The following HTR1F variants were observed in gnomAD, a reference collection of about 807,000 sequenced individuals.
HTR1F encodes 5-hydroxytryptamine receptor 1F, also known as 5-hydroxytryptamine (serotonin) receptor 1F, G protein-coupled.
Under a neutral mutation model 24.0 loss-of-function variants are expected in HTR1F, and 17 were observed. The ratio of observed to expected loss-of-function variants is 0.71; its 90% CI spans 0.48 to 1.06. The LOEUF is 1.06. HTR1F is among the 50% of genes least tolerant of loss of function. The pLI, the probability that HTR1F is intolerant of heterozygous loss-of-function variation, is 0.00. For synonymous variants in HTR1F, 186 were observed against 156.8 expected (o/e 1.19, Z -1.39); for missense variants, 391 against 427.8 (o/e 0.91, Z 0.76).
At chr3:87,913,530 C>T (rs1703826083) in intron 2 of HTR1F, among the ~76,000 whole-genome samples, 1 of 152,170 alleles carries the variant, frequency 6.6e-6, no homozygotes, top group Admixed American at 6.5e-5. Flanking sequence ...GGCAATTCCT[C>T]AAAGACCTAA....
rs554833346 is a variant in HTR1F, at chr3:87,884,227, T to C, written c.-43+62103T>C. ...AGAAAAGAATTTTCACCCAGAATTT[T>C]ATACCCAGCCAAACTCAGCTTCATA... is the stretch of plus-strand genomic sequence containing the variant. On this transcript the variant is annotated intron_variant, in intron 2 of 2. Coordinates refer to ENST00000319595, the MANE Select transcript of HTR1F (RefSeq NM_001322209.2). Among the ~76,000 whole-genome samples, 220 of 152,244 alleles carry C rather than the reference T, an allele frequency of 1.4e-3. 1 individual carries two copies. The highest frequency in any genetic ancestry group is 5.1e-3 in the African/African-American group (211 of 41,550).
chr3:87,797,688 G>T (rs901957148), intron 1 of HTR1F, among the ~76,000 whole-genome samples: 1 of 151,786 alleles, frequency 6.6e-6, no homozygotes, highest in African/African-American at 2.4e-5. Context: ...AAATATGAAA[G>T]AAAATAAAGA....
chr3:87,882,209 A>G (rs1575982954), intron 2 of HTR1F, among the ~76,000 whole-genome samples: 1 of 152,332 alleles, frequency 6.6e-6, no homozygotes, highest in East Asian at 1.9e-4. Flanking sequence ...GTCAGGAAAC[A>G]ACAGGTGCTG....
chr3:87,794,606 G>C (rs184192772), intron 1 of HTR1F, among the ~76,000 whole-genome samples: 9 of 152,102 alleles, frequency 5.9e-5, no homozygotes, highest in African/African-American at 2.2e-4. Context: ...ATTTATTCAC[G>C]CTTCATCCAA....
intron 1 of HTR1F, among the ~76,000 whole-genome samples, chr3:87,810,470 A>G (rs1166282460): frequency 6.6e-6 from 1 of 152,114 alleles, no homozygotes. Context: ...ATTTCTCCCC[A>G]TACTTTCTTT....
chr3:87,880,155 A>G (rs1705758424), intron 2 of HTR1F, among the ~76,000 whole-genome samples: 1 of 152,180 alleles, frequency 6.6e-6, no homozygotes, highest in South Asian at 2.1e-4. Context: ...CAGATAAGTG[A>G]TAGGCTGGGT....
chr3:87,858,613 G>A (rs1266692320), intron 2 of HTR1F, among the ~76,000 whole-genome samples: 1 of 151,832 alleles, frequency 6.6e-6, no homozygotes, highest in African/African-American at 2.4e-5. Flanking sequence ...GCAAGCACCT[G>A]TAATTGCTTG....
intron 1 of HTR1F, among the ~76,000 whole-genome samples, chr3:87,804,455 A>T (rs970000863): frequency 4.6e-5 from 7 of 152,138 alleles, no homozygotes; most frequent in African/African-American, 1.7e-4. Flanking sequence ...TTCTCAAAAA[A>T]AATTGAGTAT....
At chr3:87,975,221 A>C (rs1705368117) in intron 2 of HTR1F, among the ~76,000 whole-genome samples, 1 of 152,158 alleles carries the variant, frequency 6.6e-6, no homozygotes, top group Non-Finnish European at 1.5e-5. Flanking sequence ...TTAAAATGTT[A>C]GTCCAAAAAT....
At chr3:87,947,473 A>G (rs925717660) in intron 2 of HTR1F, among the ~76,000 whole-genome samples, 4 of 152,186 alleles carry the variant, frequency 2.6e-5, no homozygotes, top group Admixed American at 6.5e-5. Flanking sequence ...GAACTTTAAG[A>G]GGACTATTTT....
At chr3:87,946,619 A>G (rs1246800659) in intron 2 of HTR1F, among the ~76,000 whole-genome samples, 2 of 90,722 alleles carry the variant, frequency 2.2e-5, no homozygotes, top group Non-Finnish European at 4.6e-5. Flanking sequence ...GTGTATATAT[A>G]TATATATATT....
intron 2 of HTR1F, among the ~76,000 whole-genome samples, chr3:87,849,670 C>A (rs968508037): frequency 1.3e-4 from 20 of 151,838 alleles, no homozygotes; most frequent in South Asian, 6.2e-4. Context: ...AGTGAACAGG[C>A]AACCTACAGA....
At chr3:87,974,704 TA>T (rs1335392878) in intron 2 of HTR1F, among the ~76,000 whole-genome samples, 1 of 152,218 alleles carries the variant, frequency 6.6e-6, no homozygotes, top group African/African-American at 2.4e-5. Flanking sequence ...TGGAACTAAA[TA>T]AATGTTTGCA....
At chr3:87,849,258 A>G (rs975464375) in intron 2 of HTR1F, among the ~76,000 whole-genome samples, 10 of 151,968 alleles carry the variant, frequency 6.6e-5, no homozygotes, top group Non-Finnish European at 1.5e-4. Context: ...ACCAAAACAG[A>G]GATATAGATC....
At chr3:87,811,172 T>C (rs1227181330) in intron 1 of HTR1F, among the ~76,000 whole-genome samples, 2 of 152,110 alleles carry the variant, frequency 1.3e-5, no homozygotes, top group East Asian at 3.8e-4. Context: ...GTGGCAAAAT[T>C]GGAGATTCTC....
rs376954240 is a variant in HTR1F, at chr3:87,991,454, G to A, written c.705G>A (p.Glu235=). 1.9e-5 allele frequency: 30 copies of A among 1,613,890 alleles called. No homozygotes were observed. The highest frequency in any genetic ancestry group is 2.5e-5 in the Non-Finnish European group (30 of 1,179,984). The change falls in exon 3 of 3, where the codon GAG becomes GAA. Residue 235 remains glutamate, a synonymous_variant. Coordinates refer to ENST00000319595, the MANE Select transcript of HTR1F (RefSeq NM_001322209.2). ...VNGQVLLESG[E]KSTKSVSTSY... is the part of the protein sequence containing the mutation. ...GCCAAGTCCTTTTGGAGAGTGGTGA[G>A]AAAAGCACTAAATCAGTTTCCACAT...
intron 2 of HTR1F, among the ~76,000 whole-genome samples, chr3:87,851,058 A>G (rs1341142199): frequency 6.6e-6 from 1 of 151,806 alleles, no homozygotes; most frequent in East Asian, 1.9e-4. Context: ...GCTACCTGCC[A>G]TCCCACCACC....
chr3:87,861,044 C>A (rs182750798), intron 2 of HTR1F, among the ~76,000 whole-genome samples: 5 of 152,106 alleles, frequency 3.3e-5, no homozygotes, highest in Admixed American at 2.0e-4. Context: ...GTAGTCCCAG[C>A]TACACGGGAA....
intron 1 of HTR1F, among the ~76,000 whole-genome samples, chr3:87,794,167 G>T (rs1436130156): frequency 1.3e-5 from 2 of 152,120 alleles, no homozygotes; most frequent in African/African-American, 4.8e-5. Flanking sequence ...ACATTTCGCT[G>T]ATAAAGTGAG....
Sources: gnomAD v4.1 joint callset for allele counts (sites outside exome capture counted in the v4.1 genomes callset) on GRCh38, gnomAD v4.1.1 for gene constraint, MANE v1.5 for transcripts, NCBI Gene and HGNC (gene_info 2026-07-23, HGNC 2026-07-21) for gene names.